The following GMDS variants were observed in gnomAD, a reference collection of about 807,000 sequenced individuals.
GMDS encodes the protein GDP-mannose 4,6 dehydratase.
Under a neutral mutation model 49.9 loss-of-function variants are expected in GMDS, and 20 were observed. The ratio of observed to expected loss-of-function variants is 0.40; its 90% CI spans 0.28 to 0.58. The LOEUF (loss-of-function observed/expected upper bound fraction) is 0.58. GMDS is among the 20% of genes least tolerant of loss of function. The probability of loss-of-function intolerance (pLI) is 0.42; values close to 1 mark genes in which losing one functional copy is unlikely to be tolerated. For missense variants in GMDS, 362 were observed against 481.4 expected (o/e 0.75, Z 2.32); for synonymous variants, 177 against 178.6 (o/e 0.99, Z 0.07).
chr6:1,749,935 G>A (rs1472144904), intron 7 of GMDS, among the ~76,000 whole-genome samples: 2 of 152,136 alleles, frequency 1.3e-5, no homozygotes, highest in African/African-American at 4.8e-5. Context: ...GGACTCAAGT[G>A]ATCCTCCAGC....
At chr6:1,882,678 C>T (rs1759419080) in intron 7 of GMDS, among the ~76,000 whole-genome samples, 1 of 152,170 alleles carries the variant, frequency 6.6e-6, no homozygotes, top group South Asian at 2.1e-4. Context: ...CAAAAGGATC[C>T]AAACACAATT....
intron 7 of GMDS, among the ~76,000 whole-genome samples, chr6:1,804,907 G>A (rs1346083648): frequency 6.6e-6 from 1 of 152,136 alleles, no homozygotes; most frequent in Admixed American, 6.5e-5. Flanking sequence ...GTATTTCCAA[G>A]GGCTTCAAAA....
intron 7 of GMDS, among the ~76,000 whole-genome samples, chr6:1,809,545 G>A (rs889312279): frequency 3.9e-5 from 6 of 151,998 alleles, no homozygotes; most frequent in Admixed American, 1.3e-4. Context: ...ATTCTTTCTC[G>A]CCATTACTCA....
At chr6:2,062,046 A>G (rs574997746) in intron 4 of GMDS, among the ~76,000 whole-genome samples, 1 of 152,308 alleles carries the variant, frequency 6.6e-6, no homozygotes, top group South Asian at 2.1e-4. Context: ...ATTGAGAACT[A>G]TATGTTAATC....
intron 7 of GMDS, among the ~76,000 whole-genome samples, chr6:1,811,756 G>A (rs1581209320): frequency 6.6e-6 from 1 of 152,096 alleles, no homozygotes; most frequent in Non-Finnish European, 1.5e-5. Context: ...TGACAGTGAT[G>A]TACTGGTTTT....
intron 4 of GMDS, among the ~76,000 whole-genome samples, chr6:1,966,331 T>A (rs1477576310): frequency 6.7e-6 from 1 of 148,988 alleles, no homozygotes; most frequent in Non-Finnish European, 1.5e-5. Flanking sequence ...ACAGTAAAAA[T>A]CTTATTTCAC....
intron 9 of GMDS, among the ~76,000 whole-genome samples, chr6:1,641,514 G>A (rs766708944): frequency 5.8e-4 from 89 of 152,374 alleles, no homozygotes; most frequent in Middle Eastern, 3.4e-3. Context: ...GCCTGTGGCA[G>A]AACCTGAAGG....
At chr6:2,236,548 A>T (rs1002211891) in intron 1 of GMDS, among the ~76,000 whole-genome samples, 1 of 152,208 alleles carries the variant, frequency 6.6e-6, no homozygotes, top group Non-Finnish European at 1.5e-5. Flanking sequence ...ACTACAATAA[A>T]CACGTTTATC....
intron 7 of GMDS, among the ~76,000 whole-genome samples, chr6:1,886,497 C>G (rs983720352): frequency 1.3e-5 from 2 of 151,960 alleles, no homozygotes; most frequent in African/African-American, 4.8e-5. Context: ...GCAGCATTCT[C>G]AATAAAAAAT....
At chr6:1,803,334 C>T (rs1770025538) in intron 7 of GMDS, among the ~76,000 whole-genome samples, 1 of 152,168 alleles carries the variant, frequency 6.6e-6, no homozygotes, top group South Asian at 2.1e-4. Flanking sequence ...AAAAACGTCT[C>T]TGGGCTGTAA....
chr6:2,038,873 T>C (rs1769469505), intron 4 of GMDS, among the ~76,000 whole-genome samples: 1 of 152,208 alleles, frequency 6.6e-6, no homozygotes, highest in Non-Finnish European at 1.5e-5. Context: ...TTAACTAATG[T>C]TTTTCTTTGG....
chr6:1,941,863 G>A (rs564191300), intron 6 of GMDS, among the ~76,000 whole-genome samples: 2 of 152,296 alleles, frequency 1.3e-5, no homozygotes, highest in South Asian at 4.2e-4. Context: ...GGAAGGCAGA[G>A]TTCAGATGTT....
intron 9 of GMDS, among the ~76,000 whole-genome samples, chr6:1,686,041 A>C (rs1320962498): frequency 6.6e-6 from 1 of 152,158 alleles, no homozygotes; most frequent in Non-Finnish European, 1.5e-5. Flanking sequence ...GTCGCTCCAC[A>C]TTGGGCTTTC....
chr6:2,125,912 C>CT (rs1775407259), intron 1 of GMDS, among the ~76,000 whole-genome samples: 3 of 152,250 alleles, frequency 2.0e-5, no homozygotes, highest in African/African-American at 7.2e-5. Context: ...AAGATATTCT[C>CT]TTTTTTTATA....
intron 9 of GMDS, among the ~76,000 whole-genome samples, chr6:1,714,174 C>G (rs10428774): frequency 1.3e-5 from 2 of 152,062 alleles, no homozygotes; most frequent in Admixed American, 1.3e-4. Flanking sequence ...CCCACCACCA[C>G]GCCCAGCTAA....
intron 7 of GMDS, among the ~76,000 whole-genome samples, chr6:1,810,907 T>G (rs1017132991): frequency 6.6e-6 from 1 of 152,236 alleles, no homozygotes; most frequent in African/African-American, 2.4e-5. Context: ...TTGTGGCAAT[T>G]ATGTATCCTT....
rs140303268 is a variant in GMDS, at chr6:2,186,273, G to A, written c.102+59048C>T. ...ACAATGTTAATAGAATACTGTTTGT[G>A]TAGCAATTCAAAAATCACTTCAGAT... On this transcript the variant is annotated intron_variant, in intron 1 of 10. Transcript: ENST00000380815. 2.0e-3 allele frequency among the ~76,000 whole-genome samples: 305 copies of A among 152,310 alleles called. 1 individual carries two copies. In the Middle Eastern group the frequency reaches 0.02, roughly 10 times the overall value.
chr6:1,715,073 A>T (rs1488327730), intron 9 of GMDS, among the ~76,000 whole-genome samples: 1 of 152,252 alleles, frequency 6.6e-6, no homozygotes, highest in Non-Finnish European at 1.5e-5. Flanking sequence ...AGATGAAGAA[A>T]AAAGGAGAGA....
At position 1,635,462 on chromosome 6, in the gene GMDS, G is replaced by A. The variant is rs1763118014; in HGVS notation, c.988-10922C>T. Reference sequence around the variant, plus strand: ...CTTTCACATGACATCATAAAAGCCTGATTTATCGCCGGCCACCAAACATCT... The same window carrying A: ...CTTTCACATGACATCATAAAAGCCTAATTTATCGCCGGCCACCAAACATCT... On this transcript the variant is annotated intron_variant, in intron 9 of 10. Transcript: ENST00000380815. This position sits in a 1 kb window ranked among gnomAD's most constrained non-coding sequence, Gnocchi z 4.7. Among the ~76,000 whole-genome samples the A allele has an allele frequency of 6.6e-6, 1 of 152,216 alleles. No individual in the cohort carries two copies. The highest frequency in any genetic ancestry group is 2.1e-4 in the South Asian group (1 of 4,830).
Sources: allele counts gnomAD v4.1 joint callset (sites outside exome capture counted in the v4.1 genomes callset), GRCh38; gene constraint gnomAD v4.1.1; non-coding constraint Gnocchi (gnomAD v3.1); transcripts MANE v1.5; gene names NCBI Gene and HGNC (gene_info 2026-07-23, HGNC 2026-07-21).